The following FGD6 variants were observed in gnomAD, a reference collection of about 807,000 sequenced individuals.
FGD6 encodes FYVE, RhoGEF and PH domain-containing protein 6.
Under a neutral mutation model 149.4 loss-of-function variants are expected in FGD6, and 90 were observed. That is an observed-to-expected ratio of 0.60 (90% CI 0.51 to 0.72). The LOEUF (loss-of-function observed/expected upper bound fraction) is 0.72, where lower values mean the gene tolerates loss of function less well. Ranked by LOEUF, FGD6 falls within the 30% of genes least tolerant of loss-of-function variation. The pLI, the probability that FGD6 is intolerant of heterozygous loss-of-function variation, is 0.00. For synonymous variants in FGD6, 527 were observed against 584.0 expected, an observed-to-expected ratio of 0.90 and a Z score of 1.41; for missense variants, 1,437 against 1,684.8, an observed-to-expected ratio of 0.85 and a Z score of 2.57.
Position 95,210,228 on chromosome 12 carries a change from A to T in FGD6, c.1056T>A (p.Thr352=). 6.2e-7 allele frequency: 1 copy of T among 1,614,172 alleles called. No homozygotes were observed. The highest frequency in any genetic ancestry group is 8.5e-7 in the Non-Finnish European group (1 of 1,180,040). Reference sequence around the variant, plus strand: ...TTTTATTGATTTTCAAACTATTTTCAGTAAGACAGGAAGAGCTACTGTCTG... The same window carrying T: ...TTTTATTGATTTTCAAACTATTTTCTGTAAGACAGGAAGAGCTACTGTCTG... ...GNSDSSSSCL[T]ENSLKINKIS... is the part of the protein sequence containing the mutation. The change falls in exon 2 of 21, where the codon ACT becomes ACA. Residue 352 remains threonine (T), a synonymous_variant. Coordinates refer to ENST00000343958, the MANE Select transcript of FGD6 (RefSeq NM_018351.4).
chr12:95,132,773 A>T (rs920372238), intron 8 of FGD6, among the ~76,000 whole-genome samples: 2 of 151,902 alleles, frequency 1.3e-5, no homozygotes, highest in Non-Finnish European at 2.9e-5. Flanking sequence ...AAATAAATAA[A>T]CAAATAAATA....
chr12:95,131,746 C>G (rs1305240656), intron 8 of FGD6, among the ~76,000 whole-genome samples: 1 of 152,158 alleles, frequency 6.6e-6, no homozygotes, highest in Non-Finnish European at 1.5e-5. Flanking sequence ...CCCAAATCCA[C>G]CAGTATCGAG....
intron 8 of FGD6, chr12:95,126,472 T>A: frequency 1.4e-6 from 1 of 726,614 alleles, no homozygotes. Flanking sequence ...CTCACGCCTG[T>A]AATCCCAGTA....
Position 95,209,277 on chromosome 12 carries a change from C to A in FGD6, c.2007G>T (p.Gly669=). Residue 669 remains glycine, a synonymous_variant, in exon 2 of 21, where the codon GGG becomes GGT. Transcript: ENST00000343958. ...TGHLSSGEQK[G]IESDWQGLLV... ...ACAAGCCTTGCCAATCACTTTCAAT[C>A]CCCTTCTGCTCCCCACTGGAGAGGT... 6.2e-7 allele frequency: 1 copy of A among 1,614,176 alleles called. No individual in the cohort carries two copies.
chr12:95,082,984 T>TAAAA lies in FGD6; in HGVS notation c.4257-1432_4257-1429dup, dbSNP rs1173446654. Among the ~76,000 whole-genome samples the TAAAA allele has an allele frequency of 2.2e-4, 7 of 31,128 alleles. 1 individual carries two copies. The highest frequency in any genetic ancestry group is 2.6e-4 in the Non-Finnish European group (5 of 19,498). 20.4% of individuals were successfully genotyped at this position (31,128 alleles called of 152,430 possible). A position where few individuals can be genotyped will look rare whatever the true frequency, so the allele number is the denominator to read the frequency against. ...CAACATTGCTAGACTCTGTCTCCAT[T>TAAAA]AAAAAAAAAAAAAAAAAAAAAAAAA... On this transcript the variant is annotated intron_variant, in intron 20 of 20. Transcript: ENST00000343958.
At chr12:95,084,691 C>CA in intron 19 of FGD6, 45 bp from the exon 20 acceptor site, 1 of 1,501,580 alleles carries the variant, frequency 6.7e-7, no homozygotes. Flanking sequence ...TAGATTGAGA[C>CA]AAAATTCAGA....
At position 95,172,641 on chromosome 12, in the gene FGD6, C is replaced by T; in HGVS notation, c.2545G>A (p.Glu849Lys). 2 of 1,612,750 alleles carry T rather than the reference C, an allele frequency of 1.2e-6. No individual in the cohort carries two copies. The highest frequency in any genetic ancestry group is 1.7e-4 in the Middle Eastern group (1 of 5,990). The change falls in exon 3 of 21, where the codon GAG (glutamate) becomes AAG (lysine). Residue 849 changes from glutamate to lysine, a missense_variant. Transcript: ENST00000343958. ...NSSDEDDVSS[E>K]SSKGEPDPLE... ...GGGTCAGGCTCTCCTTTACTTGACT[C>T]AGAGCTGACATCATCTTCATCAGAA...
intron 2 of FGD6, among the ~76,000 whole-genome samples, chr12:95,181,588 C>T (rs772541951): frequency 1.3e-5 from 2 of 152,210 alleles, no homozygotes; most frequent in Non-Finnish European, 2.9e-5. Context: ...ATTCACATCA[C>T]GAAATGTGGA....
At position 95,202,676 on chromosome 12, in the gene FGD6, G is replaced by T. The variant is rs184545119; in HGVS notation, c.2441+6167C>A. On this transcript the variant is annotated intron_variant, in intron 2 of 20. Transcript: ENST00000343958. ...CCCAAAGTGCTGAGATTACAGGTAT[G>T]AGCCACCATGCCTGGCCCCTAATTC... is the stretch of plus-strand genomic sequence containing the variant. Among the ~76,000 whole-genome samples, 6 of 152,116 alleles carry T rather than the reference G, an allele frequency of 3.9e-5. No individual in the cohort carries two copies. The East Asian group carries it at 5.8e-4, about 15-fold the overall frequency.
chr12:95,143,453 C>A (rs1278522672), intron 5 of FGD6, among the ~76,000 whole-genome samples: 1 of 152,144 alleles, frequency 6.6e-6, no homozygotes, highest in Non-Finnish European at 1.5e-5. Context: ...GTACCTGGGA[C>A]TAAGTTTATT....
At chr12:95,177,263 A>G (rs1466697863) in intron 2 of FGD6, among the ~76,000 whole-genome samples, 1 of 152,214 alleles carries the variant, frequency 6.6e-6, no homozygotes, top group African/African-American at 2.4e-5. Context: ...ACTAAATTAA[A>G]AATTCCAGCA....
chr12:95,146,055 C>G lies in FGD6; in HGVS notation c.2686-4516G>C, dbSNP rs143756163. Among the ~76,000 whole-genome samples the G allele has an allele frequency of 6.9e-4, 105 of 152,218 alleles. 2 individuals carry two copies. In the East Asian group the frequency reaches 0.017, roughly 25 times the overall value. On this transcript the variant is annotated intron_variant, in intron 5 of 20. Transcript: ENST00000343958. ...ACAAGTGTCACTGAATAATTGGGCT[C>G]CACTCCCAATTTTGGCCTCCATAAC...
chr12:95,085,654 A>T, intron 19 of FGD6, 126 bp downstream of exon 19: 1 of 1,015,124 alleles, frequency 9.9e-7, no homozygotes, highest in Non-Finnish European at 1.4e-6. Context: ...CAGCAACAAC[A>T]CCTCCCCCAT....
chr12:95,125,116 T>C (rs1183714799), intron 8 of FGD6, among the ~76,000 whole-genome samples: 1 of 152,134 alleles, frequency 6.6e-6, no homozygotes, highest in East Asian at 1.9e-4. Flanking sequence ...AAAAAATTAT[T>C]CTGAGAAGGG....
At chr12:95,167,529 T>A (rs998301595) in intron 3 of FGD6, among the ~76,000 whole-genome samples, 9 of 151,994 alleles carry the variant, frequency 5.9e-5, no homozygotes, top group African/African-American at 2.2e-4. Context: ...TCTTCTTTAG[T>A]CTATTCAGAT....
At chr12:95,130,050 C>T (rs1016839555) in intron 8 of FGD6, among the ~76,000 whole-genome samples, 2 of 151,928 alleles carry the variant, frequency 1.3e-5, no homozygotes, top group African/African-American at 2.4e-5. Flanking sequence ...CTTTTAGATC[C>T]GGTTTGAACT....
rs773737870 is a variant in FGD6, at chr12:95,081,487, T to C, written c.*33A>G. On this transcript the variant is annotated 3_prime_UTR_variant, in exon 21 of 21. Coordinates refer to ENST00000343958, the MANE Select transcript of FGD6 (RefSeq NM_018351.4). ...CTCCATTCTGATGAAATTCCACCTC[T>C]TTGGAATCACAGAAGAGATGAAACC... is the stretch of plus-strand genomic sequence containing the variant. The C allele has an allele frequency of 2.5e-5, 40 of 1,573,856 alleles. No homozygotes were observed. The South Asian group carries it at 4.4e-4, about 17-fold the overall frequency.
intron 5 of FGD6, among the ~76,000 whole-genome samples, chr12:95,143,471 C>G (rs1879916652): frequency 6.6e-6 from 1 of 152,160 alleles, no homozygotes. Context: ...ATTGATCCCA[C>G]AGTCACATTA....
At chr12:95,087,006 TC>T (rs1877901585) in intron 18 of FGD6, among the ~76,000 whole-genome samples, 2 of 151,878 alleles carry the variant, frequency 1.3e-5, no homozygotes, top group South Asian at 4.2e-4. Context: ...CACCACCATG[TC>T]CAGCTAATTT....
Sources: gnomAD v4.1 joint callset for allele counts (sites outside exome capture counted in the v4.1 genomes callset) on GRCh38, gnomAD v4.1.1 for gene constraint, MANE v1.5 for transcripts, NCBI Gene and HGNC (gene_info 2026-07-23, HGNC 2026-07-21) for gene names.